Variants in ZDHHC14 observed in about 807,000 individuals in gnomAD.
The protein encoded by ZDHHC14 is zDHHC palmitoyltransferase 14.
A neutral mutation model predicts 47.7 loss-of-function variants in ZDHHC14; 16 were observed. The observed-to-expected ratio is 0.34, with a 90% CI of 0.23 to 0.51. ZDHHC14 has a LOEUF of 0.51. Ranked by LOEUF, ZDHHC14 falls within the 20% of genes least tolerant of loss-of-function variation. The pLI is 0.97. For synonymous variants in ZDHHC14, 293 were observed against 278.9 expected, an observed-to-expected ratio of 1.05 and a Z score of -0.50; for missense variants, 515 against 662.5, an observed-to-expected ratio of 0.78 and a Z score of 2.44.
At chr6:157,635,153 C>T (rs971623353) in intron 5 of ZDHHC14, among the ~76,000 whole-genome samples, 9 of 152,206 alleles carry the variant, frequency 5.9e-5, no homozygotes, top group Non-Finnish European at 1.0e-4. Flanking sequence ...TGCCACCACA[C>T]TTGGCTAATT....
At chr6:157,574,787 T>A (rs1783241480) in intron 2 of ZDHHC14, among the ~76,000 whole-genome samples, 1 of 152,340 alleles carries the variant, frequency 6.6e-6, no homozygotes, top group Middle Eastern at 3.4e-3. Flanking sequence ...TCCAGATCCC[T>A]CCTAACTGGG....
At chr6:157,457,465 C>T (rs181666361) in intron 1 of ZDHHC14, among the ~76,000 whole-genome samples, 85 of 152,234 alleles carry the variant, frequency 5.6e-4, no homozygotes, top group African/African-American at 1.3e-3. Context: ...TGTTTTAAAA[C>T]GGACAATAAA....
chr6:157,611,076 G>A (rs1363278913), intron 3 of ZDHHC14, among the ~76,000 whole-genome samples: 1 of 152,178 alleles, frequency 6.6e-6, no homozygotes, highest in Non-Finnish European at 1.5e-5. Flanking sequence ...GTGCTGTGAT[G>A]CAATCTCCAC....
chr6:157,451,624 A>C (rs994762993), intron 1 of ZDHHC14, among the ~76,000 whole-genome samples: 3 of 152,172 alleles, frequency 2.0e-5, no homozygotes, highest in Non-Finnish European at 2.9e-5. Flanking sequence ...GCAGTGGCGC[A>C]ATATCAGCTC....
At chr6:157,516,052 C>T (rs144370172) in intron 1 of ZDHHC14, among the ~76,000 whole-genome samples, 1,646 of 152,272 alleles carry the variant, frequency 0.011, 18 homozygotes, top group Non-Finnish European at 0.018. Flanking sequence ...CCAGAGTAAC[C>T]GCTACCCTGC....
At chr6:157,516,419 T>C (rs1780695121) in intron 1 of ZDHHC14, among the ~76,000 whole-genome samples, 3 of 152,202 alleles carry the variant, frequency 2.0e-5, no homozygotes. Context: ...CGTGAACAGG[T>C]TGCGGGTCCC....
chr6:157,580,712 TTG>T (rs35713410), intron 2 of ZDHHC14, among the ~76,000 whole-genome samples: 24 of 148,738 alleles, frequency 1.6e-4, no homozygotes, highest in Admixed American at 5.3e-4. Context: ...TTTTTGTGTT[TTG>T]TGTGTGTGTG....
chr6:157,560,798 CT>C (rs1297064733), intron 2 of ZDHHC14, among the ~76,000 whole-genome samples: 1 of 152,224 alleles, frequency 6.6e-6, no homozygotes, highest in African/African-American at 2.4e-5. Flanking sequence ...GTGTTTTCAT[CT>C]GGATAATGGG....
chr6:157,389,790 G>A (rs1032448941), intron 1 of ZDHHC14, among the ~76,000 whole-genome samples: 28 of 152,012 alleles, frequency 1.8e-4, no homozygotes, highest in Middle Eastern at 6.8e-3. Context: ...TGTACCCACT[G>A]TCATATATTT....
intron 3 of ZDHHC14, among the ~76,000 whole-genome samples, chr6:157,613,029 A>G (rs1404518506): frequency 6.6e-6 from 1 of 152,168 alleles, no homozygotes; most frequent in African/African-American, 2.4e-5. Context: ...TTTAAAAAAA[A>G]TTAAGTCTGA....
intron 1 of ZDHHC14, among the ~76,000 whole-genome samples, chr6:157,519,114 A>G (rs750937994): frequency 1.2e-4 from 19 of 152,228 alleles, no homozygotes; most frequent in Admixed American, 8.5e-4. Flanking sequence ...TCTCAGAAAC[A>G]TAGATGGAGG....
chr6:157,661,753 A>G (rs140084164), intron 8 of ZDHHC14, among the ~76,000 whole-genome samples: 3,090 of 152,330 alleles, frequency 0.02, 51 homozygotes, highest in Non-Finnish European at 0.03. Context: ...CCTGGCCTGT[A>G]GTGAGGATTG....
chr6:157,565,312 G>A (rs931830624), intron 2 of ZDHHC14, among the ~76,000 whole-genome samples: 3 of 152,154 alleles, frequency 2.0e-5, no homozygotes, highest in Non-Finnish European at 2.9e-5. Flanking sequence ...GAGATTTTTC[G>A]TGTAATTAAT....
rs920953375 is a variant in ZDHHC14, at chr6:157,434,004, A to T, written c.245+51738A>T. ...GACTTAGCTAAGTGTACACATCATA[A>T]ATAGCTATCAGCCCATGTGATGCCA... On this transcript the variant is annotated intron_variant, in intron 1 of 8. Transcript: ENST00000359775. 5.9e-5 allele frequency among the ~76,000 whole-genome samples: 9 copies of T among 152,148 alleles called. 1 individual carries two copies. Among genetic ancestry groups the T allele is most frequent in the Admixed American group, 3.3e-4 (5 of 15,262 alleles).
intron 4 of ZDHHC14, chr6:157,630,943 C>T (rs1785691191): frequency 6.6e-6 from 1 of 151,430 alleles, no homozygotes; most frequent in Admixed American, 6.6e-5. Context: ...CACATGTACC[C>T]TTACACACCC....
intron 1 of ZDHHC14, among the ~76,000 whole-genome samples, chr6:157,413,343 A>T (rs1232493320): frequency 6.6e-6 from 1 of 152,206 alleles, no homozygotes; most frequent in Admixed American, 6.5e-5. Context: ...AGATTTACAT[A>T]TGGAGAGAGA....
chr6:157,524,322 T>TG (rs1562461713), intron 1 of ZDHHC14, among the ~76,000 whole-genome samples: 1 of 152,084 alleles, frequency 6.6e-6, no homozygotes, highest in East Asian at 1.9e-4. Flanking sequence ...TTAGTAGAGA[T>TG]GGGGTTTCAC....
intron 1 of ZDHHC14, among the ~76,000 whole-genome samples, chr6:157,446,284 C>T (rs984316746): frequency 5.3e-5 from 8 of 152,190 alleles, no homozygotes; most frequent in South Asian, 2.1e-4. Context: ...TTGCCCCTCT[C>T]GAGCCTTCTC....
intron 1 of ZDHHC14, among the ~76,000 whole-genome samples, chr6:157,429,160 T>C (rs904595371): frequency 2.0e-5 from 3 of 152,150 alleles, no homozygotes; most frequent in Admixed American, 1.3e-4. Flanking sequence ...ATCTGTGCAG[T>C]GATCATCTCG....
Sources: allele counts gnomAD v4.1 joint callset (sites outside exome capture counted in the v4.1 genomes callset), GRCh38; gene constraint gnomAD v4.1.1; transcripts MANE v1.5; gene names NCBI Gene and HGNC (gene_info 2026-07-23, HGNC 2026-07-21).